The following KLHL29 variants were observed in gnomAD, a reference collection of about 807,000 sequenced individuals.
KLHL29 encodes kelch like family member 29.
In KLHL29, 21 loss-of-function variants were observed where a neutral mutation model predicts 80.4. That is an observed-to-expected ratio of 0.26 (90% CI 0.19 to 0.38). KLHL29 has a LOEUF of 0.38. Ranked by LOEUF, KLHL29 falls within the 10% of genes least tolerant of loss-of-function variation. KLHL29 has a pLI of 1.00. For missense variants in KLHL29, 867 were observed against 1,223.9 expected (o/e 0.71, Z 4.35); for synonymous variants, 511 against 526.8 (o/e 0.97, Z 0.41).
chr2:23,560,888 A>G (rs570830100), intron 2 of KLHL29, among the ~76,000 whole-genome samples: 2 of 152,374 alleles, frequency 1.3e-5, no homozygotes, highest in African/African-American at 4.8e-5. Context: ...CAGTAAGAAC[A>G]GGCTTTATAG....
intron 5 of KLHL29, among the ~76,000 whole-genome samples, chr2:23,659,531 T>C (rs1032995817): frequency 1.3e-5 from 2 of 152,140 alleles, no homozygotes; most frequent in Non-Finnish European, 2.9e-5. Flanking sequence ...GATCTGGCTA[T>C]GTGAGTGCTT....
chr2:23,454,819 A>T (rs1390042508), intron 1 of KLHL29, among the ~76,000 whole-genome samples: 1 of 151,982 alleles, frequency 6.6e-6, no homozygotes, highest in Non-Finnish European at 1.5e-5. Flanking sequence ...TGTACAACAA[A>T]TATTCCTCGG....
chr2:23,676,514 G>C (rs1450924668), intron 5 of KLHL29, among the ~76,000 whole-genome samples: 1 of 152,210 alleles, frequency 6.6e-6, no homozygotes. Flanking sequence ...CTTACAGCCA[G>C]CCATGGTGGC....
chr2:23,660,484 C>T (rs1271667297), intron 5 of KLHL29, among the ~76,000 whole-genome samples: 1 of 152,234 alleles, frequency 6.6e-6, no homozygotes, highest in Non-Finnish European at 1.5e-5. Flanking sequence ...CTGCCAAAAA[C>T]AGGTGTTCAA....
chr2:23,631,996 C>T (rs993726308), intron 3 of KLHL29, among the ~76,000 whole-genome samples: 2 of 152,190 alleles, frequency 1.3e-5, no homozygotes, highest in African/African-American at 2.4e-5. Context: ...CGAGCATCCC[C>T]TGTAGGTTTA....
In KLHL29 at chr2:23,552,761, C is replaced by CTTTT. The variant is rs60558023; in HGVS notation, c.-45-9377_-45-9374dup. On this transcript the variant is annotated intron_variant, in intron 2 of 13. Coordinates refer to ENST00000486442, the MANE Select transcript of KLHL29 (RefSeq NM_052920.2). ...CACGGCTATAGCTCTGGTTTCTTTT[C>CTTTT]TTTTTTTTTTTTTTTTTGAGATGGC... is the stretch of plus-strand genomic sequence containing the variant. Among the ~76,000 whole-genome samples, 13 of 95,544 alleles carry CTTTT rather than the reference C, an allele frequency of 1.4e-4. No individual in the cohort carries two copies. The South Asian group carries it at 1.5e-3, about 11-fold the overall frequency. 62.7% of individuals were successfully genotyped at this position (95,544 alleles called of 152,430 possible). A position where few individuals can be genotyped will look rare whatever the true frequency, so the allele number is the denominator to read the frequency against.
chr2:23,612,966 G>C (rs1025773065), intron 3 of KLHL29, among the ~76,000 whole-genome samples: 1 of 151,682 alleles, frequency 6.6e-6, no homozygotes, highest in African/African-American at 2.4e-5. Flanking sequence ...TGCAAAAAAG[G>C]CTTAGAAATG....
At chr2:23,605,107 C>CTTTTTTTTTTTTTT (rs386389703) in intron 3 of KLHL29, among the ~76,000 whole-genome samples, 1 of 92,478 alleles carries the variant, frequency 1.1e-5, no homozygotes, top group Non-Finnish European at 2.0e-5. Flanking sequence ...TCCTTTGTTG[C>CTTTTTTTTTTTTTT]TTTTTTTTTT....
chr2:23,580,935 G>A (rs1025825473), intron 3 of KLHL29, among the ~76,000 whole-genome samples: 5 of 152,072 alleles, frequency 3.3e-5, no homozygotes, highest in Admixed American at 6.5e-5. Flanking sequence ...CCGAGATCAC[G>A]CCACTGCACT....
intron 1 of KLHL29, among the ~76,000 whole-genome samples, chr2:23,442,528 A>G (rs1190498014): frequency 6.6e-6 from 1 of 152,198 alleles, no homozygotes; most frequent in Non-Finnish European, 1.5e-5. Context: ...AAAGGAATCC[A>G]TGCAGGCTTT....
At chr2:23,631,635 G>T (rs972239557) in intron 3 of KLHL29, among the ~76,000 whole-genome samples, 10 of 152,194 alleles carry the variant, frequency 6.6e-5, no homozygotes, top group African/African-American at 2.4e-4. Context: ...CCCTGGCCCC[G>T]CGTAGGGATT....
chr2:23,612,840 C>T (rs2103530965), intron 3 of KLHL29, among the ~76,000 whole-genome samples: 1 of 152,006 alleles, frequency 6.6e-6, no homozygotes, highest in South Asian at 2.1e-4. Flanking sequence ...GTTAGAGTTT[C>T]AGGAAGCAAT....
At chr2:23,565,925 G>T (rs1219159066) in intron 3 of KLHL29, among the ~76,000 whole-genome samples, 4 of 152,246 alleles carry the variant, frequency 2.6e-5, no homozygotes, top group Non-Finnish European at 5.9e-5. Context: ...AACATCACGT[G>T]CCCTGGGGGC....
chr2:23,638,096 AAAAAAGAC>A (rs1669667447), intron 3 of KLHL29, among the ~76,000 whole-genome samples: 1 of 151,390 alleles, frequency 6.6e-6, no homozygotes, highest in African/African-American at 2.4e-5. Context: ...AAAAAAAAAA[AAAAAAGAC>A]AAATACAGAA....
At chr2:23,417,807 T>G (rs1248721286) in intron 1 of KLHL29, among the ~76,000 whole-genome samples, 1 of 152,114 alleles carries the variant, frequency 6.6e-6, no homozygotes, top group East Asian at 1.9e-4. Context: ...CAGCCTGGAT[T>G]TTTAGCCTTG....
chr2:23,400,544 T>C (rs947488312), intron 1 of KLHL29, among the ~76,000 whole-genome samples: 1 of 152,090 alleles, frequency 6.6e-6, no homozygotes, highest in African/African-American at 2.4e-5. Flanking sequence ...TGCAGAGCCA[T>C]GCAGCTGGGC....
chr2:23,414,181 G>A (rs991783155), intron 1 of KLHL29, among the ~76,000 whole-genome samples: 6 of 152,242 alleles, frequency 3.9e-5, no homozygotes, highest in Non-Finnish European at 8.8e-5. Context: ...GGAGGACAGA[G>A]ATGAGTTGTT....
chr2:23,397,932 G>A (rs761857425), intron 1 of KLHL29, among the ~76,000 whole-genome samples: 49 of 152,198 alleles, frequency 3.2e-4, no homozygotes, highest in African/African-American at 1.1e-3. Context: ...GTCCATTAAC[G>A]TGACTATAAA....
At chr2:23,533,236 A>G (rs778866398) in intron 2 of KLHL29, among the ~76,000 whole-genome samples, 3 of 152,174 alleles carry the variant, frequency 2.0e-5, no homozygotes, top group Non-Finnish European at 4.4e-5. Context: ...TGTGTGCACA[A>G]GTAAGCAGTG....
Sources: gnomAD v4.1 joint callset for allele counts (sites outside exome capture counted in the v4.1 genomes callset) on GRCh38, gnomAD v4.1.1 for gene constraint, MANE v1.5 for transcripts, NCBI Gene and HGNC (gene_info 2026-07-23, HGNC 2026-07-21) for gene names.